Variants in CAMK1D observed in about 807,000 individuals in gnomAD.
CAMK1D encodes the protein calcium/calmodulin-dependent protein kinase type 1D.
Under a neutral mutation model 47.7 loss-of-function variants are expected in CAMK1D, and 9 were observed. The ratio of observed to expected loss-of-function variants is 0.19; its 90% CI spans 0.11 to 0.33. The LOEUF (loss-of-function observed/expected upper bound fraction) is 0.33. Among genes scored for constraint, CAMK1D ranks in the 10% least tolerant of loss-of-function variants. The probability of loss-of-function intolerance (pLI) is 1.00; values close to 1 mark genes in which losing one functional copy is unlikely to be tolerated. For missense variants in CAMK1D, 291 were observed against 488.7 expected (o/e 0.60, Z 3.81); for synonymous variants, 184 against 184.9 (o/e 0.99, Z 0.04).
intron 8 of CAMK1D, among the ~76,000 whole-genome samples, chr10:12,817,776 C>A (rs566522816): frequency 1.3e-5 from 2 of 152,122 alleles, no homozygotes; most frequent in Non-Finnish European, 2.9e-5. Context: ...CTGCAGCCTC[C>A]GCCTCCTGTA....
chr10:12,460,187 A>G (rs916157317), intron 1 of CAMK1D, among the ~76,000 whole-genome samples: 1 of 152,138 alleles, frequency 6.6e-6, no homozygotes, highest in Non-Finnish European at 1.5e-5. Context: ...AGTAGCAGAC[A>G]TCCTCTGTCA....
intron 1 of CAMK1D, among the ~76,000 whole-genome samples, chr10:12,508,819 G>A (rs994114997): frequency 1.3e-5 from 2 of 152,102 alleles, no homozygotes; most frequent in African/African-American, 4.8e-5. Flanking sequence ...TTGCACTTAA[G>A]CTGAAAGTCA....
At chr10:12,374,806 G>A (rs1323411408) in intron 1 of CAMK1D, among the ~76,000 whole-genome samples, 1 of 151,964 alleles carries the variant, frequency 6.6e-6, no homozygotes, top group East Asian at 1.9e-4. Flanking sequence ...AGCCGGGTGT[G>A]GTGGTGGGCG....
At chr10:12,363,665 G>GT (rs1165886868) in intron 1 of CAMK1D, among the ~76,000 whole-genome samples, 21,681 of 116,904 alleles carry the variant, frequency 0.19, 2,016 homozygotes, top group East Asian at 0.35. Flanking sequence ...GTTTCCTAAG[G>GT]TTTTTTTTTT....
chr10:12,466,422 A>C (rs895691213), intron 1 of CAMK1D, among the ~76,000 whole-genome samples: 87 of 151,478 alleles, frequency 5.7e-4, no homozygotes, highest in Admixed American at 4.7e-3. Context: ...CAAACAAACA[A>C]AAATTTTTAA....
rs116027016 is a variant in CAMK1D at position 12,471,695 on chromosome 10, G to A, written c.93-81530G>A. On this transcript the variant is annotated intron_variant, in intron 1 of 10. Transcript: ENST00000619168. ...TGGATCTGATTTCTTCCTTTCCTGC[G>A]AGCACTATTTATTCCTTTCCTGCTA... 5.9e-3 allele frequency among the ~76,000 whole-genome samples: 894 copies of A among 152,142 alleles called. 8 individuals carry two copies. The highest frequency in any genetic ancestry group is 0.021 in the African/African-American group (869 of 41,486).
In CAMK1D at chr10:12,831,429, T is replaced by C. The variant is rs541682886; in HGVS notation, c.*2542T>C. Reference sequence around the variant, plus strand: ...GAATAGCCCTTTGTGCTGTGTGCTATATACAACCATTTGCATTCAGAAAGC... The same window carrying C: ...GAATAGCCCTTTGTGCTGTGTGCTACATACAACCATTTGCATTCAGAAAGC... On this transcript the variant is annotated 3_prime_UTR_variant, in exon 11 of 11. Coordinates refer to ENST00000619168, the MANE Select transcript of CAMK1D (RefSeq NM_153498.4). 1 of 152,352 alleles carries C rather than the reference T, an allele frequency of 6.6e-6. No homozygotes were observed. Among genetic ancestry groups the C allele is most frequent in the East Asian group, 1.9e-4 (1 of 5,184 alleles). The allele number at this position is 152,352 out of a possible 1,614,324, so 9.4% of individuals were successfully genotyped here.
rs1310412950 is a variant in CAMK1D at position 12,835,226 on chromosome 10, A to G, written c.*6339A>G. The stretch of plus-strand genomic sequence containing the variant: ...TCTTTCAGCTCCCCCAACAGTGAGC[A>G]TGCTTCCCAAAAAATTACAACATCA... On this transcript the variant is annotated 3_prime_UTR_variant, in exon 11 of 11. Coordinates refer to ENST00000619168, the MANE Select transcript of CAMK1D (RefSeq NM_153498.4). The G allele has an allele frequency of 6.6e-6, 1 of 152,220 alleles. No homozygotes were observed. The highest frequency in any genetic ancestry group is 1.9e-4 in the East Asian group (1 of 5,194). The allele number at this position is 152,220 out of a possible 1,614,324, so 9.4% of individuals were successfully genotyped here.
intron 1 of CAMK1D, among the ~76,000 whole-genome samples, chr10:12,355,574 T>TC (rs1837486441): frequency 2.6e-5 from 4 of 152,050 alleles, no homozygotes; most frequent in African/African-American, 9.7e-5. Flanking sequence ...TAGTTGTTTT[T>TC]CTGGGGTTAC....
intron 8 of CAMK1D, among the ~76,000 whole-genome samples, chr10:12,818,825 G>A (rs1468397482): frequency 6.6e-6 from 1 of 152,218 alleles, no homozygotes; most frequent in Non-Finnish European, 1.5e-5. Flanking sequence ...GGAAAGGCTT[G>A]GGGGAGAAGG....
intron 1 of CAMK1D, among the ~76,000 whole-genome samples, chr10:12,516,871 T>A: frequency 6.6e-6 from 1 of 152,262 alleles, no homozygotes; most frequent in African/African-American, 2.4e-5. Flanking sequence ...TCTTTATAGA[T>A]GTTGCCTTTC....
intron 3 of CAMK1D, among the ~76,000 whole-genome samples, chr10:12,674,047 G>A (rs533343834): frequency 6.6e-6 from 1 of 152,238 alleles, no homozygotes; most frequent in South Asian, 2.1e-4. Context: ...CTGGGCTCAA[G>A]CGATTCTTCC....
At chr10:12,677,529 G>A (rs1488403640) in intron 3 of CAMK1D, among the ~76,000 whole-genome samples, 2 of 152,158 alleles carry the variant, frequency 1.3e-5, no homozygotes, top group East Asian at 1.9e-4. Flanking sequence ...GGTTGCTTTC[G>A]TGAGGACAGT....
At chr10:12,418,373 G>C (rs999042885) in intron 1 of CAMK1D, among the ~76,000 whole-genome samples, 6 of 152,344 alleles carry the variant, frequency 3.9e-5, no homozygotes, top group African/African-American at 1.4e-4. Context: ...GGGAGGCTGA[G>C]ATGGGAGGGT....
At chr10:12,466,844 A>T (rs1308090519) in intron 1 of CAMK1D, among the ~76,000 whole-genome samples, 1 of 152,092 alleles carries the variant, frequency 6.6e-6, no homozygotes, top group Admixed American at 6.6e-5. Flanking sequence ...GCTGAGAGCG[A>T]CATCTGGTCC....
At chr10:12,813,535 C>G (rs909044652) in intron 6 of CAMK1D, among the ~76,000 whole-genome samples, 4 of 152,086 alleles carry the variant, frequency 2.6e-5, no homozygotes, top group East Asian at 1.9e-4. Context: ...AGAAGGCTGT[C>G]TGTTAGGTTT....
At chr10:12,465,896 C>T (rs543363492) in intron 1 of CAMK1D, among the ~76,000 whole-genome samples, 2 of 152,266 alleles carry the variant, frequency 1.3e-5, no homozygotes, top group East Asian at 3.9e-4. Flanking sequence ...TAGATTGCTG[C>T]CTGCCCACTG....
rs540398611 is a variant in CAMK1D at position 12,582,116 on chromosome 10, A to G, written c.224+28760A>G. Among the ~76,000 whole-genome samples the G allele has an allele frequency of 7.9e-5, 12 of 152,254 alleles. No homozygotes were observed. The East Asian group carries it at 2.1e-3, about 27-fold the overall frequency. The stretch of plus-strand genomic sequence containing the variant: ...TCATTCTTCTACATGTGGCTAACCA[A>G]TTATCCTAGCACATTTGTTGAATAG... On this transcript the variant is annotated intron_variant, in intron 2 of 10. Transcript: ENST00000619168.
intron 2 of CAMK1D, among the ~76,000 whole-genome samples, chr10:12,597,831 T>C (rs1484034718): frequency 2.0e-5 from 3 of 152,180 alleles, no homozygotes; most frequent in Non-Finnish European, 4.4e-5. Context: ...TTATTTATGC[T>C]CTCACTGGAT....
Sources: allele counts gnomAD v4.1 joint callset (sites outside exome capture counted in the v4.1 genomes callset), GRCh38; gene constraint gnomAD v4.1.1; transcripts MANE v1.5; gene names NCBI Gene and HGNC (gene_info 2026-07-23, HGNC 2026-07-21).